The following GKAP1 variants were observed in gnomAD, a reference collection of about 807,000 sequenced individuals.
GKAP1 encodes the protein G kinase anchoring protein 1.
A neutral mutation model predicts 56.7 loss-of-function variants in GKAP1; 31 were observed. The ratio of observed to expected loss-of-function variants is 0.55; its 90% CI spans 0.41 to 0.74. GKAP1 has a LOEUF of 0.74. Among genes scored for constraint, GKAP1 ranks in the 30% least tolerant of loss-of-function variants. GKAP1 has a pLI of 0.00. For missense variants in GKAP1, 364 were observed against 402.3 expected (o/e 0.90, Z 0.82); for synonymous variants, 151 against 138.6 (o/e 1.09, Z -0.63).
chr9:83,802,247 G>A (rs1033347962), intron 3 of GKAP1, among the ~76,000 whole-genome samples: 12 of 151,970 alleles, frequency 7.9e-5, no homozygotes, highest in African/African-American at 2.4e-4. Flanking sequence ...TTGGGAGGCC[G>A]AGGCAGGCGG....
intron 7 of GKAP1, among the ~76,000 whole-genome samples, chr9:83,771,229 A>T (rs2131271100): frequency 7.8e-6 from 1 of 127,676 alleles, no homozygotes; most frequent in African/African-American, 2.8e-5. Flanking sequence ...CTCCTGGCTA[A>T]TTTTTTTGTT....
At chr9:83,816,297 A>G (rs1944593505) in intron 2 of GKAP1, among the ~76,000 whole-genome samples, 1 of 152,188 alleles carries the variant, frequency 6.6e-6, no homozygotes, top group South Asian at 2.1e-4. Context: ...GGTATGCCCC[A>G]AACTCCATTT....
intron 2 of GKAP1, among the ~76,000 whole-genome samples, chr9:83,807,905 A>C (rs569028350): frequency 6.6e-6 from 1 of 152,364 alleles, no homozygotes; most frequent in African/African-American, 2.4e-5. Context: ...TCAGGAGGGA[A>C]GAAAAATGAG....
intron 8 of GKAP1, among the ~76,000 whole-genome samples, chr9:83,765,470 A>C (rs1943646645): frequency 6.6e-6 from 1 of 152,150 alleles, no homozygotes; most frequent in Admixed American, 6.5e-5. Flanking sequence ...ATGAGAAGGA[A>C]CCACTGTCCT....
chr9:83,751,344 A>T (rs1943385607), intron 9 of GKAP1, among the ~76,000 whole-genome samples: 2 of 152,306 alleles, frequency 1.3e-5, no homozygotes, highest in South Asian at 4.1e-4. Flanking sequence ...GCAGCAACTC[A>T]TTCATTCCTT....
chr9:83,780,952 T>TA (rs1485704983), intron 6 of GKAP1, among the ~76,000 whole-genome samples: 3 of 152,012 alleles, frequency 2.0e-5, no homozygotes, highest in Non-Finnish European at 4.4e-5. Flanking sequence ...AGACTTAACA[T>TA]AAAAAATAAC....
intron 12 of GKAP1, 21 bp from the exon 13 acceptor site, chr9:83,739,765 AGGG>A: frequency 1.9e-6 from 3 of 1,543,454 alleles, no homozygotes; most frequent in Non-Finnish European, 2.7e-6. Flanking sequence ...AAAAAAAAAT[AGGG>A]AAAATTATTT....
intron 11 of GKAP1, 116 bp from the exon 12 acceptor site, chr9:83,742,145 G>A: frequency 2.9e-6 from 2 of 679,576 alleles, no homozygotes; most frequent in Non-Finnish European, 5.1e-6. Context: ...TAACAGAGAA[G>A]CTCCCCCCAT....
chr9:83,781,174 C>T (rs956589977), intron 6 of GKAP1, among the ~76,000 whole-genome samples: 1 of 152,072 alleles, frequency 6.6e-6, no homozygotes, highest in Admixed American at 6.6e-5. Flanking sequence ...ACCAGGCTGG[C>T]CAACATGGTG....
At chr9:83,799,118 G>A (rs1477314062) in intron 4 of GKAP1, 67 bp downstream of exon 4, 1 of 1,325,638 alleles carries the variant, frequency 7.5e-7, no homozygotes, top group Non-Finnish European at 1.1e-6. Flanking sequence ...TGAATTCAGA[G>A]GCACTGCCAT....
rs1030008550 is a variant in GKAP1, at chr9:83,765,209, G to A, written c.738+3609C>T. Among the ~76,000 whole-genome samples, 66 of 152,232 alleles carry A rather than the reference G, an allele frequency of 4.3e-4. 3 individuals are homozygous for A. Among genetic ancestry groups the A allele is most frequent in the Non-Finnish European group, 1.5e-4 (10 of 68,034 alleles). On this transcript the variant is annotated intron_variant, in intron 8 of 12. Coordinates refer to ENST00000376371, the MANE Select transcript of GKAP1 (RefSeq NM_025211.4). The stretch of plus-strand genomic sequence containing the variant: ...ACAGCTCAGACTTTTGCTTCAGAGG[G>A]TGCAAGCCCCAAGCCTTGGCAGCTT...
In GKAP1 at chr9:83,805,246, G is replaced by A. The variant is rs569273278; in HGVS notation, c.216+1056C>T. Among the ~76,000 whole-genome samples the A allele has an allele frequency of 5.4e-3, 825 of 152,214 alleles. 3 individuals carry two copies. Among genetic ancestry groups the A allele is most frequent in the Non-Finnish European group, 9.1e-3 (622 of 68,022 alleles). On this transcript the variant is annotated intron_variant, in intron 3 of 12. Transcript: ENST00000376371. The stretch of plus-strand genomic sequence containing the variant: ...TTAAGGGCGGTGCAAGATGTGCTTT[G>A]TTAAACAGATGCTTGAAGGCAGCAT...
chr9:83,785,865 C>T (rs1387815842), intron 5 of GKAP1, among the ~76,000 whole-genome samples: 1 of 152,156 alleles, frequency 6.6e-6, no homozygotes, highest in Non-Finnish European at 1.5e-5. Context: ...AATCTCCTTG[C>T]CTAGTACATG....
chr9:83,791,932 T>C (rs1199322168), intron 4 of GKAP1, among the ~76,000 whole-genome samples: 4 of 152,224 alleles, frequency 2.6e-5, no homozygotes, highest in Admixed American at 2.6e-4. Flanking sequence ...ATTATGTTAA[T>C]GTTATAATAT....
At chr9:83,774,122 C>T (rs746791407) in intron 7 of GKAP1, among the ~76,000 whole-genome samples, 17 of 151,920 alleles carry the variant, frequency 1.1e-4, no homozygotes, top group Non-Finnish European at 2.1e-4. Flanking sequence ...CCACCCGCCT[C>T]GGCCTCCCAA....
At chr9:83,815,269 G>A (rs989334441) in intron 2 of GKAP1, among the ~76,000 whole-genome samples, 1 of 151,928 alleles carries the variant, frequency 6.6e-6, no homozygotes, top group Non-Finnish European at 1.5e-5. Flanking sequence ...GCTACAAGCA[G>A]GAGAATTTTT....
At chr9:83,799,092 C>T (rs1944291652) in intron 4 of GKAP1, 93 bp downstream of exon 4, 8 of 1,071,336 alleles carry the variant, frequency 7.5e-6, no homozygotes, top group Non-Finnish European at 1.1e-5. Context: ...AATTGCTTCT[C>T]AGAACAGTGG....
At chr9:83,768,269 C>T (rs1158242795) in intron 8 of GKAP1, among the ~76,000 whole-genome samples, 1 of 152,108 alleles carries the variant, frequency 6.6e-6, no homozygotes, top group Non-Finnish European at 1.5e-5. Flanking sequence ...TATTTCAGGA[C>T]GTCTGTTCTC....
intron 6 of GKAP1, among the ~76,000 whole-genome samples, chr9:83,784,028 G>A (rs867234430): frequency 1.4e-4 from 21 of 152,030 alleles, no homozygotes; most frequent in African/African-American, 4.6e-4. Context: ...AGTTTGGGAG[G>A]CCAAGGCAGG....
Sources: gnomAD v4.1 joint callset for allele counts (sites outside exome capture counted in the v4.1 genomes callset) on GRCh38, gnomAD v4.1.1 for gene constraint, MANE v1.5 for transcripts, NCBI Gene and HGNC (gene_info 2026-07-23, HGNC 2026-07-21) for gene names.